ROBO1: variants seen among roughly 807,000 people sequenced by gnomAD.
ROBO1 encodes the protein roundabout homolog 1.
Under a neutral mutation model 195.9 loss-of-function variants are expected in ROBO1, and 149 were observed. The observed-to-expected ratio is 0.76, with a 90% confidence interval of 0.67 to 0.87. The LOEUF (loss-of-function observed/expected upper bound fraction) is 0.87, where lower values mean the gene tolerates loss of function less well. Among genes scored for constraint, ROBO1 ranks in the 40% least tolerant of loss-of-function variants. ROBO1 has a pLI of 0.00. For synonymous variants in ROBO1, 816 were observed against 733.2 expected, an observed-to-expected ratio of 1.11 and a Z score of -1.82; for missense variants, 1,933 against 2,068.3, an observed-to-expected ratio of 0.93 and a Z score of 1.27.
intron 1 of ROBO1, among the ~76,000 whole-genome samples, chr3:79,732,993 A>G (rs1477408241): frequency 2.6e-5 from 4 of 152,160 alleles, no homozygotes; most frequent in Non-Finnish European, 5.9e-5. Flanking sequence ...AACCCAAATT[A>G]TCATCTATAC....
At chr3:79,682,962 A>T (rs1422180027) in intron 1 of ROBO1, among the ~76,000 whole-genome samples, 1 of 123,758 alleles carries the variant, frequency 8.1e-6, no homozygotes, top group Non-Finnish European at 1.7e-5. Flanking sequence ...CTCATTCAGA[A>T]CATGTATAAA....
intron 3 of ROBO1, among the ~76,000 whole-genome samples, chr3:78,981,824 C>CACACACAA (rs1056799410): frequency 5.2e-4 from 78 of 151,290 alleles, no homozygotes; most frequent in African/African-American, 1.7e-3. Context: ...CACACACACA[C>CACACACAA]AAAAACACAC....
intron 4 of ROBO1, among the ~76,000 whole-genome samples, chr3:78,765,403 T>G (rs2108390913): frequency 6.6e-6 from 1 of 152,154 alleles, no homozygotes; most frequent in Admixed American, 6.5e-5. Context: ...TATTATTAAA[T>G]ATAAACTTGC....
intron 4 of ROBO1, among the ~76,000 whole-genome samples, chr3:78,876,426 CTATTAA>C (rs2035851824): frequency 6.6e-6 from 1 of 151,992 alleles, no homozygotes; most frequent in Non-Finnish European, 1.5e-5. Flanking sequence ...GTCGTATAGT[CTATTAA>C]TAAGTTCAGA....
intron 2 of ROBO1, among the ~76,000 whole-genome samples, chr3:79,136,857 T>G (rs752437332): frequency 6.6e-6 from 1 of 152,106 alleles, no homozygotes; most frequent in Non-Finnish European, 1.5e-5. Context: ...TAGGTGCTTT[T>G]AGGTGGTGCC....
intron 3 of ROBO1, among the ~76,000 whole-genome samples, chr3:78,943,724 G>T (rs1306932880): frequency 6.6e-6 from 1 of 152,024 alleles, no homozygotes; most frequent in Non-Finnish European, 1.5e-5. Context: ...TTGCTTCTAA[G>T]AAACACATTT....
intron 3 of ROBO1, among the ~76,000 whole-genome samples, chr3:79,044,816 A>G (rs1187175623): frequency 6.6e-6 from 1 of 152,156 alleles, no homozygotes; most frequent in East Asian, 1.9e-4. Flanking sequence ...TGGATACATA[A>G]GAGTTGTAAT....
Position 79,654,622 on chromosome 3 carries a change from C to T in ROBO1, c.-50-64661G>A, listed in dbSNP as rs140379275. 4.1e-4 allele frequency among the ~76,000 whole-genome samples: 63 copies of T among 152,048 alleles called. No homozygotes were observed. In the East Asian group the frequency reaches 9.7e-3, roughly 23 times the overall value. ...CTATTCATCTTTCTTTTAAAAGATG[C>T]ATTTAATATAAAAATTTGCACATTT... On this transcript the variant is annotated intron_variant, in intron 1 of 30. Coordinates refer to ENST00000464233, the MANE Select transcript of ROBO1 (RefSeq NM_002941.4).
At chr3:79,398,935 A>G (rs2106767342) in intron 2 of ROBO1, among the ~76,000 whole-genome samples, 1 of 151,088 alleles carries the variant, frequency 6.6e-6, no homozygotes, top group East Asian at 1.9e-4. Context: ...TTTTTTTTTC[A>G]CCCCACATGA....
chr3:79,220,503 C>T (rs2082119609), intron 2 of ROBO1, among the ~76,000 whole-genome samples: 2 of 151,920 alleles, frequency 1.3e-5, no homozygotes, highest in Admixed American at 6.6e-5. Flanking sequence ...TTATTTATCG[C>T]CTGAATTTCC....
chr3:79,232,706 G>A (rs1218691330), intron 2 of ROBO1, among the ~76,000 whole-genome samples: 1 of 152,114 alleles, frequency 6.6e-6, no homozygotes, highest in Admixed American at 6.6e-5. Flanking sequence ...TATCTTCAAA[G>A]TTAGGAAGGA....
chr3:79,755,226 C>T (rs750439693), intron 1 of ROBO1, among the ~76,000 whole-genome samples: 14 of 151,986 alleles, frequency 9.2e-5, no homozygotes, highest in Admixed American at 3.9e-4. Context: ...AATTATCTCA[C>T]GATGCTTAGA....
intron 3 of ROBO1, among the ~76,000 whole-genome samples, chr3:78,999,653 T>C (rs368450655): frequency 1.3e-5 from 2 of 152,110 alleles, no homozygotes; most frequent in African/African-American, 4.8e-5. Flanking sequence ...TCGTGCAATA[T>C]ACCTTTGTAA....
intron 29 of ROBO1, among the ~76,000 whole-genome samples, chr3:78,601,849 G>GC (rs1274775634): frequency 6.6e-6 from 1 of 152,030 alleles, no homozygotes; most frequent in African/African-American, 2.4e-5. Context: ...CTTAATCAAT[G>GC]CAAATATTAT....
intron 3 of ROBO1, among the ~76,000 whole-genome samples, chr3:79,100,681 T>C (rs917733465): frequency 2.6e-5 from 4 of 151,828 alleles, no homozygotes; most frequent in African/African-American, 9.7e-5. Flanking sequence ...TCTTCAAACA[T>C]CCATTTGAAA....
In ROBO1 at chr3:79,503,360, G is replaced by A. The variant is rs149239001; in HGVS notation, c.88+86464C>T. On this transcript the variant is annotated intron_variant, in intron 2 of 30. Transcript: ENST00000464233. Reference sequence around the variant, plus strand: ...ATCAGAAGAAACAAACTCAGGACACGCCACCTTTAAGAACTGTGCTTTTAA... The same window carrying A: ...ATCAGAAGAAACAAACTCAGGACACACCACCTTTAAGAACTGTGCTTTTAA... Among the ~76,000 whole-genome samples, 294 of 152,170 alleles carry A rather than the reference G, an allele frequency of 1.9e-3. 1 individual carries two copies. The highest frequency in any genetic ancestry group is 6.8e-3 in the African/African-American group (284 of 41,516).
intron 2 of ROBO1, among the ~76,000 whole-genome samples, chr3:79,372,403 G>T (rs961455593): frequency 1.1e-4 from 17 of 151,872 alleles, no homozygotes; most frequent in Non-Finnish European, 2.5e-4. Flanking sequence ...TAGAGATGGG[G>T]TTTCACCATG....
intron 3 of ROBO1, among the ~76,000 whole-genome samples, chr3:78,945,300 G>A (rs571641931): frequency 3.2e-4 from 48 of 152,206 alleles, no homozygotes; most frequent in African/African-American, 9.4e-4. Context: ...TCACACGGCC[G>A]GGTACTACTC....
At chr3:78,916,249 A>AC (rs2038572865) in intron 4 of ROBO1, among the ~76,000 whole-genome samples, 1 of 141,260 alleles carries the variant, frequency 7.1e-6, no homozygotes, top group South Asian at 2.2e-4. Flanking sequence ...CTCCGTCAAA[A>AC]AAAAAAAAAA....
Sources: gnomAD v4.1 joint callset for allele counts (sites outside exome capture counted in the v4.1 genomes callset) on GRCh38, gnomAD v4.1.1 for gene constraint, MANE v1.5 for transcripts, NCBI Gene and HGNC (gene_info 2026-07-23, HGNC 2026-07-21) for gene names.